Variants in TAFA1 observed in about 807,000 individuals in gnomAD.
The protein encoded by TAFA1 is chemokine-like protein TAFA-1.
A neutral mutation model predicts 18.5 loss-of-function variants in TAFA1; 4 were observed. That is an observed-to-expected ratio of 0.22 (90% CI 0.11 to 0.49). TAFA1 has a LOEUF of 0.49. Among genes scored for constraint, TAFA1 ranks in the 20% least tolerant of loss-of-function variants. The pLI is 0.98. For missense variants in TAFA1, 147 were observed against 169.0 expected (o/e 0.87, Z 0.72); for synonymous variants, 56 against 55.2 (o/e 1.01, Z -0.06).
intron 2 of TAFA1, among the ~76,000 whole-genome samples, chr3:68,054,229 C>G (rs372098388): frequency 5.6e-4 from 85 of 152,160 alleles, no homozygotes; most frequent in African/African-American, 1.9e-3. Context: ...GGAGATGGAC[C>G]TCTTGTGAGT....
intron 4 of TAFA1, among the ~76,000 whole-genome samples, chr3:68,540,937 C>T (rs2073362726): frequency 6.6e-6 from 1 of 152,182 alleles, no homozygotes; most frequent in African/African-American, 2.4e-5. Flanking sequence ...GAGTATTGTG[C>T]AGGATCTGAT....
At chr3:68,399,460 A>T (rs1404156357) in intron 2 of TAFA1, among the ~76,000 whole-genome samples, 1 of 152,180 alleles carries the variant, frequency 6.6e-6, no homozygotes, top group South Asian at 2.1e-4. Context: ...ATCAATTGCT[A>T]GGAATCAATG....
intron 3 of TAFA1, among the ~76,000 whole-genome samples, chr3:68,439,775 A>C (rs1312591923): frequency 6.6e-6 from 1 of 151,942 alleles, no homozygotes; most frequent in Non-Finnish European, 1.5e-5. Context: ...CACACCCGGG[A>C]TCGATACTTT....
chr3:68,432,376 A>G (rs577439184), intron 3 of TAFA1, among the ~76,000 whole-genome samples: 1 of 152,206 alleles, frequency 6.6e-6, no homozygotes. Flanking sequence ...TGCGTAATCC[A>G]ATCTCCATGC....
intron 3 of TAFA1, among the ~76,000 whole-genome samples, chr3:68,441,892 G>A (rs1409579501): frequency 2.6e-5 from 4 of 152,194 alleles, no homozygotes; most frequent in Non-Finnish European, 5.9e-5. Flanking sequence ...CAGCAGTGAA[G>A]GGATATCTTC....
chr3:68,231,584 T>C (rs1311128105), intron 2 of TAFA1, among the ~76,000 whole-genome samples: 1 of 151,440 alleles, frequency 6.6e-6, no homozygotes, highest in African/African-American at 2.4e-5. Flanking sequence ...ATGGTCTCGA[T>C]CTCCTGACCT....
rs1184038538 is a variant in TAFA1, at chr3:68,292,409, G to GT, written c.119-124870dup. 1.4e-3 allele frequency among the ~76,000 whole-genome samples: 162 copies of GT among 114,284 alleles called. 1 individual carries two copies. In the East Asian group the frequency reaches 0.028, roughly 20 times the overall value. The allele number at this position is 114,284 out of a possible 152,430, so 75.0% of individuals were successfully genotyped here. A position where few individuals can be genotyped will look rare whatever the true frequency, so the allele number is the denominator to read the frequency against. On this transcript the variant is annotated intron_variant, in intron 2 of 4. Transcript: ENST00000478136. ...AGCCTGAGCAACAGAGTGAGACTCT[G>GT]TCAAAAAAAAAAAACAAAAAAAAAA...
chr3:68,475,172 A>ATTG (rs2106639442), intron 3 of TAFA1, among the ~76,000 whole-genome samples: 1 of 151,752 alleles, frequency 6.6e-6, no homozygotes, highest in South Asian at 2.1e-4. Context: ...AATTATTATT[A>ATTG]TTATACTTTA....
chr3:68,404,311 C>T (rs974830135), intron 2 of TAFA1, among the ~76,000 whole-genome samples: 12 of 152,172 alleles, frequency 7.9e-5, no homozygotes, highest in African/African-American at 2.9e-4. Context: ...TTCATTGATG[C>T]TGTAGAGACA....
intron 3 of TAFA1, 100 bp downstream of exon 3, chr3:68,417,520 G>T (rs2070863396): frequency 2.6e-6 from 3 of 1,160,204 alleles, no homozygotes; most frequent in Middle Eastern, 2.1e-4. Context: ...AATGAACAAG[G>T]TGCATCCGAA....
intron 3 of TAFA1, among the ~76,000 whole-genome samples, chr3:68,512,680 TTTTG>T (rs60422556): frequency 0.34 from 51,615 of 150,788 alleles, 9,557 homozygotes; most frequent in South Asian, 0.55. Flanking sequence ...TTTGCTGGTT[TTTTG>T]TTTGTTTGTT....
At chr3:68,332,902 G>A (rs7633182) in intron 2 of TAFA1, among the ~76,000 whole-genome samples, 1 of 152,166 alleles carries the variant, frequency 6.6e-6, no homozygotes, top group Non-Finnish European at 1.5e-5. Context: ...ATGAAAATGT[G>A]TTCAACATTG....
At chr3:68,423,646 G>A (rs1047983443) in intron 3 of TAFA1, among the ~76,000 whole-genome samples, 3 of 152,062 alleles carry the variant, frequency 2.0e-5, no homozygotes, top group African/African-American at 7.2e-5. Context: ...AGTTCTTTCA[G>A]TGCTTTTATT....
intron 3 of TAFA1, among the ~76,000 whole-genome samples, chr3:68,467,531 G>C (rs2071911755): frequency 6.6e-6 from 1 of 152,168 alleles, no homozygotes; most frequent in South Asian, 2.1e-4. Flanking sequence ...GATGATAGAT[G>C]TGAAGACCAC....
At chr3:68,221,277 G>T (rs1414154212) in intron 2 of TAFA1, among the ~76,000 whole-genome samples, 4 of 152,022 alleles carry the variant, frequency 2.6e-5, no homozygotes, top group African/African-American at 7.2e-5. Context: ...ACCCAATTTT[G>T]CTCTTCTTCC....
chr3:68,428,601 G>T (rs1397528360), intron 3 of TAFA1, among the ~76,000 whole-genome samples: 1 of 151,818 alleles, frequency 6.6e-6, no homozygotes, highest in Non-Finnish European at 1.5e-5. Context: ...TAAGACATTG[G>T]TGGAACACTC....
chr3:68,496,471 G>T (rs76413922), intron 3 of TAFA1, among the ~76,000 whole-genome samples: 345 of 152,234 alleles, frequency 2.3e-3, no homozygotes, highest in Non-Finnish European at 3.9e-3. Context: ...ACCTGGAGAT[G>T]TTACGTGTAG....
At chr3:68,084,444 T>G (rs2064945870) in intron 2 of TAFA1, among the ~76,000 whole-genome samples, 1 of 152,172 alleles carries the variant, frequency 6.6e-6, no homozygotes, top group African/African-American at 2.4e-5. Flanking sequence ...AAAATTTCTC[T>G]GCCAGGATGC....
At position 68,403,112 on chromosome 3, in the gene TAFA1, A is replaced by C. The variant is rs1444682694; in HGVS notation, c.119-14168A>C. 2.6e-5 allele frequency among the ~76,000 whole-genome samples: 4 copies of C among 152,338 alleles called. No homozygotes were observed. The East Asian group carries it at 7.7e-4, about 29-fold the overall frequency. On this transcript the variant is annotated intron_variant, in intron 2 of 4. Transcript: ENST00000478136. ...TGCCTACAGTATGCAGTACAATAGC[A>C]TGCTGTACTGGTTTGTAGCCTAGAA...
Sources: allele counts gnomAD v4.1 joint callset (sites outside exome capture counted in the v4.1 genomes callset), GRCh38; gene constraint gnomAD v4.1.1; transcripts MANE v1.5; gene names NCBI Gene and HGNC (gene_info 2026-07-23, HGNC 2026-07-21).